Variants in SLC2A13 observed in about 807,000 individuals in gnomAD.
SLC2A13 encodes solute carrier family 2 member 13.
A neutral mutation model predicts 64.4 loss-of-function variants in SLC2A13; 32 were observed. That is an observed-to-expected ratio of 0.50 (90% CI 0.37 to 0.67). SLC2A13 has a LOEUF of 0.67. SLC2A13 is among the 30% of genes least tolerant of loss of function. The probability of loss-of-function intolerance (pLI) is 0.00; values close to 1 mark genes in which losing one functional copy is unlikely to be tolerated. For missense variants in SLC2A13, 743 were observed against 829.2 expected (o/e 0.90, Z 1.28); for synonymous variants, 338 against 327.1 (o/e 1.03, Z -0.36).
chr12:39,910,020 CT>C (rs1945391240), intron 4 of SLC2A13, among the ~76,000 whole-genome samples: 1 of 151,622 alleles, frequency 6.6e-6, no homozygotes, highest in Non-Finnish European at 1.5e-5. Flanking sequence ...CAATTTTTAC[CT>C]TTTTAAGAAG....
chr12:39,809,262 C>T (rs946563755), intron 7 of SLC2A13, among the ~76,000 whole-genome samples: 3 of 152,136 alleles, frequency 2.0e-5, no homozygotes, highest in Non-Finnish European at 4.4e-5. Flanking sequence ...ATTCTGTTCC[C>T]TTGATGTTTA....
intron 4 of SLC2A13, among the ~76,000 whole-genome samples, chr12:39,889,314 C>G (rs73276518): frequency 0.059 from 8,959 of 151,796 alleles, 329 homozygotes; most frequent in African/African-American, 0.1. Flanking sequence ...TTACTTTATT[C>G]TTTCAGGATT....
intron 3 of SLC2A13, among the ~76,000 whole-genome samples, chr12:39,969,485 T>C (rs1343678006): frequency 6.6e-6 from 1 of 152,190 alleles, no homozygotes; most frequent in Non-Finnish European, 1.5e-5. Flanking sequence ...TTTTAATGAT[T>C]GCCATTCTAA....
At chr12:39,812,835 C>CTT (rs780822070) in intron 7 of SLC2A13, among the ~76,000 whole-genome samples, 7 of 127,950 alleles carry the variant, frequency 5.5e-5, no homozygotes, top group Admixed American at 7.9e-5. Flanking sequence ...GTAGTATTAC[C>CTT]TTTTTTTTTT....
At position 39,755,697 on chromosome 12, in the gene SLC2A13, GAACTT is replaced by G. The variant is rs1479446310; in HGVS notation, c.*4324_*4328del. The G allele has an allele frequency of 1.3e-5, 2 of 151,942 alleles. No homozygotes were observed. Among genetic ancestry groups the G allele is most frequent in the Admixed American group, 6.6e-5 (1 of 15,210 alleles). The allele number at this position is 151,942 out of a possible 1,614,324, so 9.4% of individuals were successfully genotyped here. A position where few individuals can be genotyped will look rare whatever the true frequency, so the allele number is the denominator to read the frequency against. ...GCTGACATGACAAAATCAAACACAT[GAACTT>G]AACTGTCTAAAATAAAAATGTGAAT... On this transcript the variant is annotated 3_prime_UTR_variant, in exon 10 of 10. Transcript: ENST00000280871.
At chr12:39,820,200 C>G (rs1382870443) in intron 7 of SLC2A13, among the ~76,000 whole-genome samples, 1 of 152,050 alleles carries the variant, frequency 6.6e-6, no homozygotes, top group African/African-American at 2.4e-5. Flanking sequence ...GTTGGTTAAT[C>G]CTTGGAACTA....
chr12:39,850,902 ATT>A (rs879554208), intron 6 of SLC2A13, among the ~76,000 whole-genome samples: 11 of 144,896 alleles, frequency 7.6e-5, no homozygotes, highest in Admixed American at 1.4e-4. Flanking sequence ...CACAAAGTTA[ATT>A]TTTTTTTTTT....
intron 2 of SLC2A13, among the ~76,000 whole-genome samples, chr12:40,035,577 C>T (rs1368932673): frequency 6.6e-6 from 1 of 152,064 alleles, no homozygotes; most frequent in African/African-American, 2.4e-5. Flanking sequence ...CTGAAGGTAC[C>T]TAAGAAAAAT....
At chr12:39,931,880 GTAT>G (rs1349965188) in intron 4 of SLC2A13, among the ~76,000 whole-genome samples, 1 of 151,938 alleles carries the variant, frequency 6.6e-6, no homozygotes, top group Non-Finnish European at 1.5e-5. Flanking sequence ...TACTAAAATA[GTAT>G]TATAATTTTA....
intron 6 of SLC2A13, among the ~76,000 whole-genome samples, chr12:39,837,421 T>C (rs1592188884): frequency 7.4e-6 from 1 of 135,098 alleles, no homozygotes; most frequent in African/African-American, 2.8e-5. Flanking sequence ...ATTCAGGACA[T>C]AGGCATGGGC....
chr12:39,922,212 T>C (rs1460403986), intron 4 of SLC2A13, among the ~76,000 whole-genome samples: 1 of 152,224 alleles, frequency 6.6e-6, no homozygotes, highest in Non-Finnish European at 1.5e-5. Context: ...AGAATCTTTT[T>C]ATTCCATTGA....
chr12:39,876,321 T>A (rs1044353168), intron 4 of SLC2A13, among the ~76,000 whole-genome samples: 1 of 152,186 alleles, frequency 6.6e-6, no homozygotes, highest in African/African-American at 2.4e-5. Context: ...ATGCTGACTT[T>A]TAACTAGCAA....
At chr12:39,813,451 T>C (rs541900427) in intron 7 of SLC2A13, among the ~76,000 whole-genome samples, 28 of 152,206 alleles carry the variant, frequency 1.8e-4, no homozygotes, top group Admixed American at 3.9e-4. Context: ...CTCTCCTGGG[T>C]TACTCTGAAG....
rs1183425949 is a variant in SLC2A13 at position 39,797,734 on chromosome 12, A to ACACACACATACG, written c.1445+32368_1445+32369insCGTATGTGTGTG. On this transcript the variant is annotated intron_variant, in intron 7 of 9. Transcript: ENST00000280871. ...TATAAGCCAGTTATGGTAAACACACACACACACACACACACACACACACAC... is the reference window on the plus strand; with the variant it reads ...TATAAGCCAGTTATGGTAAACACACACACACACATACGCACACACACACACACACACACACAC... Among the ~76,000 whole-genome samples the ACACACACATACG allele has an allele frequency of 6.2e-3, 120 of 19,396 alleles. 1 individual carries two copies. Among genetic ancestry groups the ACACACACATACG allele is most frequent in the African/African-American group, 9.7e-3 (95 of 9,748 alleles). 12.7% of individuals were successfully genotyped at this position (19,396 alleles called of 152,430 possible).
intron 1 of SLC2A13, among the ~76,000 whole-genome samples, chr12:40,052,141 A>T (rs2136241274): frequency 6.6e-6 from 1 of 152,288 alleles, no homozygotes; most frequent in South Asian, 2.1e-4. Context: ...GAGGGAAAAA[A>T]TGAAGTTTGA....
chr12:39,762,267 G>T (rs141686569), intron 9 of SLC2A13, among the ~76,000 whole-genome samples: 1 of 152,112 alleles, frequency 6.6e-6, no homozygotes, highest in East Asian at 1.9e-4. Flanking sequence ...GAGTGAAAAT[G>T]GCAAGAAAAA....
chr12:39,994,327 G>A (rs1316214443), intron 3 of SLC2A13, among the ~76,000 whole-genome samples: 1 of 149,976 alleles, frequency 6.7e-6, no homozygotes, highest in Non-Finnish European at 1.5e-5. Flanking sequence ...AGCTTGCAGT[G>A]AGCCGAGATT....
chr12:40,078,593 G>A (rs1174680127), intron 1 of SLC2A13, among the ~76,000 whole-genome samples: 4 of 152,084 alleles, frequency 2.6e-5, no homozygotes, highest in African/African-American at 9.7e-5. Flanking sequence ...TTAGCCTGAA[G>A]TTTTCATCTT....
chr12:39,968,384 G>A (rs1433096143), intron 3 of SLC2A13, among the ~76,000 whole-genome samples: 2 of 152,076 alleles, frequency 1.3e-5, no homozygotes, highest in Admixed American at 6.6e-5. Context: ...CTCCCAAGAT[G>A]CATGGGGATT....
Sources: gnomAD v4.1 joint callset for allele counts (sites outside exome capture counted in the v4.1 genomes callset) on GRCh38, gnomAD v4.1.1 for gene constraint, MANE v1.5 for transcripts, NCBI Gene and HGNC (gene_info 2026-07-23, HGNC 2026-07-21) for gene names.